CEP350: variants seen among roughly 807,000 people sequenced by gnomAD.
CEP350 encodes centrosome-associated protein 350.
A neutral mutation model predicts 331.8 loss-of-function variants in CEP350; 126 were observed. The observed-to-expected ratio is 0.38, with a 90% CI of 0.33 to 0.44. CEP350 has a LOEUF of 0.44. CEP350 is among the 20% of genes least tolerant of loss of function. The pLI, the probability that CEP350 is intolerant of heterozygous loss-of-function variation, is 1.00. For synonymous variants in CEP350, 1,200 were observed against 1,259.5 expected (o/e 0.95, Z 1.00); for missense variants, 3,406 against 3,634.6 (o/e 0.94, Z 1.62).
chr1:179,997,621 G>A (rs1197889475), intron 6 of CEP350, among the ~76,000 whole-genome samples: 1 of 151,862 alleles, frequency 6.6e-6, no homozygotes, highest in Non-Finnish European at 1.5e-5. Flanking sequence ...TCCTAAGTCA[G>A]ATTTTCTGGG....
chr1:180,024,746 A>G (rs183614942), intron 14 of CEP350, among the ~76,000 whole-genome samples, 164 bp downstream of exon 14: 3 of 152,312 alleles, frequency 2.0e-5, no homozygotes, highest in Admixed American at 2.0e-4. Context: ...GATATATAAC[A>G]TCATGAATCT....
chr1:180,000,979 G>A (rs1327705920), intron 6 of CEP350, among the ~76,000 whole-genome samples: 1 of 152,146 alleles, frequency 6.6e-6, no homozygotes, highest in African/African-American at 2.4e-5. Flanking sequence ...TGAGGCTATT[G>A]TGCCTAATAA....
At chr1:180,052,264 C>T in intron 22 of CEP350, 2 of 451,622 alleles carry the variant, frequency 4.4e-6, no homozygotes. Flanking sequence ...GTCTCGAACT[C>T]CTGGCCTCAA....
chr1:179,964,000 G>A (rs1650818897), intron 1 of CEP350, among the ~76,000 whole-genome samples: 1 of 152,032 alleles, frequency 6.6e-6, no homozygotes, highest in South Asian at 2.1e-4. Context: ...TCCTTCATCA[G>A]TGTTTTGTAG....
At chr1:179,975,465 TTAAGC>T (rs1651788298) in intron 1 of CEP350, among the ~76,000 whole-genome samples, 1 of 152,074 alleles carries the variant, frequency 6.6e-6, no homozygotes, top group Non-Finnish European at 1.5e-5. Context: ...TTACCATAAT[TTAAGC>T]TAAAGATGAT....
intron 20 of CEP350, among the ~76,000 whole-genome samples, chr1:180,043,798 GTGTGTGTTTTC>G (rs1424882562): frequency 4.8e-5 from 7 of 146,990 alleles, no homozygotes; most frequent in Non-Finnish European, 7.7e-5. Context: ...GTGTGTGTGT[GTGTGTGTTTTC>G]TTAATCATAT....
At position 180,094,362 on chromosome 1, in the gene CEP350, T is replaced by G; in HGVS notation, c.8257T>G (p.Leu2753Val). Residue 2753 changes from leucine (L) to valine (V), a missense_variant, in exon 34 of 38, where the codon TTA becomes GTA. Leu to Val is a conservative substitution (Grantham distance 32). Around this residue, in one of 5 missense-constraint regions of CEP350, gnomAD observed 1,415 missense variants for 1,512.3 expected, o/e 0.94. Coordinates refer to ENST00000367607, the MANE Select transcript of CEP350 (RefSeq NM_014810.5). Reference protein sequence around the residue: ...KSKQQLEKISLLTDSLLKVFV... With the variant: ...KSKQQLEKISVLTDSLLKVFV... Reference sequence around the variant, plus strand: ...AAAACAACAACTGGAAAAAATCAGCTTACTGACAGACAGTTTACTAAAAGT... The same window carrying G: ...AAAACAACAACTGGAAAAAATCAGCGTACTGACAGACAGTTTACTAAAAGT... 6.8e-6 allele frequency: 11 copies of G among 1,613,900 alleles called. No individual in the cohort carries two copies. The highest frequency in any genetic ancestry group is 9.3e-6 in the Non-Finnish European group (11 of 1,179,856).
In CEP350 at chr1:179,996,976, A is replaced by G; in HGVS notation, c.819A>G (p.Leu273=). 6.2e-7 allele frequency: 1 copy of G among 1,614,040 alleles called. No individual in the cohort carries two copies. The change falls in exon 6 of 38, where the codon CTA becomes CTG. Residue 273 remains leucine (L), a synonymous_variant. Transcript: ENST00000367607. ...CTAATTCCCAAAGATTAGATATTCT[A>G]AAGCGGCGACAACATGATGTCAAAC... ...STSNSQRLDI[L]KRRQHDVKLE...
chr1:179,955,020 C>T lies in CEP350; in HGVS notation c.-136C>T. 3.8e-6 allele frequency: 5 copies of T among 1,320,240 alleles called. No individual in the cohort carries two copies. Among genetic ancestry groups the T allele is most frequent in the Non-Finnish European group, 3.9e-6 (4 of 1,031,826 alleles). The allele number at this position is 1,320,240 out of a possible 1,614,324, so 81.8% of individuals were successfully genotyped here. ...GCCGGTGCGAGGAGGGCACCCGGTGCGTCCCCGGAGCGGGGAGGCCAGGCC... is the reference window on the plus strand; with the variant it reads ...GCCGGTGCGAGGAGGGCACCCGGTGTGTCCCCGGAGCGGGGAGGCCAGGCC... On this transcript the variant is annotated 5_prime_UTR_variant, in exon 1 of 38. Transcript: ENST00000367607.
intron 31 of CEP350, 107 bp from the exon 32 acceptor site, chr1:180,087,471 C>T: frequency 9.7e-7 from 1 of 1,030,820 alleles, no homozygotes; most frequent in East Asian, 2.9e-5. Flanking sequence ...TTTTATATTA[C>T]ATCTTCTTTA....
chr1:180,063,358 A>AT (rs1658356184), intron 26 of CEP350, among the ~76,000 whole-genome samples: 1 of 151,228 alleles, frequency 6.6e-6, no homozygotes. Context: ...CCCTCAGCTA[A>AT]TTTTTTGTAT....
intron 14 of CEP350, among the ~76,000 whole-genome samples, chr1:180,027,082 G>C (rs898244026): frequency 3.9e-5 from 6 of 152,082 alleles, no homozygotes; most frequent in Non-Finnish European, 5.9e-5. Context: ...CAATGCACAG[G>C]GTTCTATTTT....
At chr1:180,026,643 T>C (rs1655697090) in intron 14 of CEP350, among the ~76,000 whole-genome samples, 1 of 152,244 alleles carries the variant, frequency 6.6e-6, no homozygotes. Flanking sequence ...CATCAGCCGC[T>C]GGTAACCACT....
At chr1:180,048,264 G>A (rs889991983) in intron 21 of CEP350, among the ~76,000 whole-genome samples, 1 of 152,100 alleles carries the variant, frequency 6.6e-6, no homozygotes, top group Non-Finnish European at 1.5e-5. Context: ...GTTTGATTTT[G>A]AAATGAAAGG....
chr1:180,097,436 A>G (rs376183765), intron 36 of CEP350, among the ~76,000 whole-genome samples: 3 of 152,180 alleles, frequency 2.0e-5, no homozygotes, highest in East Asian at 1.9e-4. Context: ...CTTGAATGCT[A>G]TGTGTGTCTG....
At chr1:180,042,461 C>G (rs1656831908) in intron 19 of CEP350, among the ~76,000 whole-genome samples, 1 of 152,094 alleles carries the variant, frequency 6.6e-6, no homozygotes, top group Non-Finnish European at 1.5e-5. Context: ...TGTAAAATGA[C>G]TTAGTTATTG....
chr1:180,046,367 C>T (rs2148939357), intron 21 of CEP350, among the ~76,000 whole-genome samples: 1 of 152,292 alleles, frequency 6.6e-6, no homozygotes, highest in South Asian at 2.1e-4. Context: ...ACTTCTTTCA[C>T]TTAGCATGAT....
intron 36 of CEP350, among the ~76,000 whole-genome samples, chr1:180,098,190 G>A (rs982071620): frequency 2.6e-5 from 4 of 151,934 alleles, no homozygotes; most frequent in African/African-American, 7.3e-5. Context: ...GGCTGGTCTC[G>A]AACTCCCGAC....
At chr1:179,973,297 A>AT (rs1268852109) in intron 1 of CEP350, among the ~76,000 whole-genome samples, 2 of 152,268 alleles carry the variant, frequency 1.3e-5, no homozygotes, top group East Asian at 1.9e-4. Context: ...AAACACTAAC[A>AT]TTTTTTGTGA....
Sources: allele counts gnomAD v4.1 joint callset (sites outside exome capture counted in the v4.1 genomes callset), GRCh38; gene constraint gnomAD v4.1.1; regional missense constraint gnomAD v4.1.1; transcripts MANE v1.5; gene names NCBI Gene and HGNC (gene_info 2026-07-23, HGNC 2026-07-21).